TENM2: variants seen among roughly 807,000 people sequenced by gnomAD.
TENM2 encodes the protein teneurin transmembrane protein 2.
TENM2 carries 52 observed loss-of-function variants against 245.2 expected under a neutral mutation model. That is an observed-to-expected ratio of 0.21 (90% confidence interval 0.17 to 0.27). TENM2 has a LOEUF of 0.27. TENM2 is among the 10% of genes least tolerant of loss of function. The probability of loss-of-function intolerance (pLI) is 1.00; values close to 1 mark genes in which losing one functional copy is unlikely to be tolerated. For synonymous variants in TENM2, 1,363 were observed against 1,438.9 expected, an observed-to-expected ratio of 0.95 and a Z score of 1.19; for missense variants, 3,046 against 3,666.8, an observed-to-expected ratio of 0.83 and a Z score of 4.37.
chr5:167,193,076 A>C, the TENM2 span, among the ~76,000 whole-genome samples: 2 of 152,080 alleles, frequency 1.3e-5, no homozygotes, highest in African/African-American at 4.8e-5. Context: ...CTTTTCTCTC[A>C]AAGGGGAAAA....
exon 14 of TENM2, chr5:168,190,432 A>T (rs1192460808): frequency 6.2e-7 from 1 of 1,614,004 alleles, no homozygotes; most frequent in Non-Finnish European, 8.5e-7. Context: ...ACTGGACATC[A>T]TTCAGCAGGG....
intron 4 of TENM2, among the ~76,000 whole-genome samples, chr5:167,971,056 C>T (rs1344714294): frequency 1.3e-5 from 2 of 152,198 alleles, no homozygotes; most frequent in South Asian, 2.1e-4. Context: ...CATGTCCTGT[C>T]GATAATGTGC....
chr5:167,217,044 T>G, the TENM2 span, among the ~76,000 whole-genome samples: 1 of 152,332 alleles, frequency 6.6e-6, no homozygotes, highest in South Asian at 2.1e-4. Context: ...TTATTGATAT[T>G]AATTTGGTCA....
intron 2 of TENM2, among the ~76,000 whole-genome samples, chr5:167,682,801 C>G (rs912929849): frequency 2.6e-5 from 4 of 152,130 alleles, no homozygotes; most frequent in African/African-American, 9.7e-5. Context: ...GTCAGGCAAA[C>G]TGGGGACCCT....
chr5:167,230,250 T>C, the TENM2 span, among the ~76,000 whole-genome samples: 2 of 152,166 alleles, frequency 1.3e-5, no homozygotes, highest in African/African-American at 4.8e-5. Flanking sequence ...CTCACCTGAC[T>C]AGGATTATAG....
the TENM2 span, among the ~76,000 whole-genome samples, chr5:167,041,527 T>C: frequency 1.3e-5 from 2 of 152,168 alleles, no homozygotes; most frequent in South Asian, 4.1e-4. Context: ...CTGTGAAGTG[T>C]CCAGAGTCCT....
the TENM2 span, among the ~76,000 whole-genome samples, chr5:167,275,747 GA>G: frequency 1.3e-5 from 2 of 151,884 alleles, no homozygotes; most frequent in African/African-American, 4.8e-5. Context: ...TAGTTTCTAG[GA>G]GTTTTCTTGT....
intron 2 of TENM2, among the ~76,000 whole-genome samples, chr5:167,694,284 C>G (rs1757622147): frequency 6.6e-6 from 1 of 152,160 alleles, no homozygotes; most frequent in African/African-American, 2.4e-5. Flanking sequence ...ACCTGGGGAT[C>G]TCTACAAAAC....
the TENM2 span, among the ~76,000 whole-genome samples, chr5:167,275,799 T>G: frequency 6.6e-6 from 1 of 152,098 alleles, no homozygotes; most frequent in Non-Finnish European, 1.5e-5. Flanking sequence ...TCATGTCATC[T>G]GTAAACAGGG....
At chr5:168,034,517 A>G (rs1017332916) in intron 5 of TENM2, among the ~76,000 whole-genome samples, 1 of 151,944 alleles carries the variant, frequency 6.6e-6, no homozygotes, top group Non-Finnish European at 1.5e-5. Flanking sequence ...GGATCACTTG[A>G]GCTCAGGAGT....
At chr5:167,436,714 C>T (rs13355529) in intron 2 of TENM2, among the ~76,000 whole-genome samples, 8,651 of 151,970 alleles carry the variant, frequency 0.057, 731 homozygotes, top group African/African-American at 0.19. Context: ...TGTGTGTAGT[C>T]TAGGGACTTG....
the TENM2 span, among the ~76,000 whole-genome samples, chr5:167,203,120 T>C: frequency 2.0e-5 from 3 of 152,212 alleles, no homozygotes; most frequent in African/African-American, 7.2e-5. Flanking sequence ...CTCCCAATTA[T>C]ACTTGAATAA....
rs550215310 is a variant in TENM2 at position 167,820,656 on chromosome 5, G to A, written c.503-55330G>A. ...ATCCCACAAGGAATAGGATATCTCC[G>A]TCAAGGCCCTGAGAGCCGGGTAAGT... On this transcript the variant is annotated intron_variant, in intron 2 of 28. Transcript: ENST00000518659. Among the ~76,000 whole-genome samples the A allele has an allele frequency of 1.3e-3, 193 of 152,300 alleles. 2 individuals carry two copies. Among genetic ancestry groups the A allele is most frequent in the African/African-American group, 3.9e-3 (163 of 41,566 alleles).
At chr5:167,288,414 T>C (rs1289511612) in intron 1 of TENM2, among the ~76,000 whole-genome samples, 3 of 151,612 alleles carry the variant, frequency 2.0e-5, no homozygotes, top group African/African-American at 7.3e-5. Flanking sequence ...AAAAAATTAG[T>C]CGGGCGCGGT....
intron 2 of TENM2, among the ~76,000 whole-genome samples, chr5:167,442,767 G>GA (rs1461447411): frequency 6.6e-6 from 1 of 152,082 alleles, no homozygotes; most frequent in Non-Finnish European, 1.5e-5. Flanking sequence ...CTGTGTCATG[G>GA]AATTATTCAT....
intron 4 of TENM2, among the ~76,000 whole-genome samples, chr5:167,956,065 G>A (rs62426836): frequency 0.031 from 4,693 of 152,170 alleles, 252 homozygotes; most frequent in African/African-American, 0.11. Flanking sequence ...TTTGGGCAGT[G>A]TGGCTATTTT....
intron 2 of TENM2, among the ~76,000 whole-genome samples, chr5:167,485,411 G>T (rs1582175718): frequency 6.6e-6 from 1 of 152,136 alleles, no homozygotes; most frequent in African/African-American, 2.4e-5. Flanking sequence ...TGTCTGAGAT[G>T]ATTTAATACA....
At chr5:168,262,398 T>A in exon 29 of TENM2, 7 of 1,591,652 alleles carry the variant, frequency 4.4e-6, no homozygotes, top group Non-Finnish European at 6.0e-6. Context: ...GGCACCACCA[T>A]CGGCCGCAAG....
chr5:167,687,462 T>G (rs1757149323), intron 2 of TENM2, among the ~76,000 whole-genome samples: 1 of 152,202 alleles, frequency 6.6e-6, no homozygotes, highest in African/African-American at 2.4e-5. Context: ...ATGTCCAACT[T>G]AGTTATCTGG....
Sources: allele counts gnomAD v4.1 joint callset (sites outside exome capture counted in the v4.1 genomes callset), GRCh38; gene constraint gnomAD v4.1.1; transcripts MANE v1.5; gene names NCBI Gene and HGNC (gene_info 2026-07-23, HGNC 2026-07-21).